Variants in PCSK2 observed in about 807,000 individuals in gnomAD.
The protein encoded by PCSK2 is proprotein convertase subtilisin/kexin type 2, also known as neuroendocrine convertase 2.
In PCSK2, 14 loss-of-function variants were observed where a neutral mutation model predicts 69.7. The ratio of observed to expected loss-of-function variants is 0.20; its 90% CI spans 0.13 to 0.31. The LOEUF is 0.31. Ranked by LOEUF, PCSK2 falls within the 10% of genes least tolerant of loss-of-function variation. The pLI is 1.00. For missense variants in PCSK2, 544 were observed against 842.5 expected (o/e 0.65, Z 4.39); for synonymous variants, 307 against 320.7 (o/e 0.96, Z 0.46).
At chr20:17,340,987 T>A (rs1158843448) in intron 2 of PCSK2, among the ~76,000 whole-genome samples, 2 of 152,212 alleles carry the variant, frequency 1.3e-5, no homozygotes, top group Non-Finnish European at 2.9e-5. Context: ...CAGTGGCTCA[T>A]ACCTGTAATC....
chr20:17,387,878 T>C (rs2031277520), intron 5 of PCSK2, among the ~76,000 whole-genome samples: 3 of 152,178 alleles, frequency 2.0e-5, no homozygotes, highest in Admixed American at 1.3e-4. Context: ...ATAATTATGA[T>C]CTAGGTGCTT....
At chr20:17,290,076 A>G (rs1988647379) in intron 2 of PCSK2, among the ~76,000 whole-genome samples, 1 of 152,222 alleles carries the variant, frequency 6.6e-6, no homozygotes, top group Admixed American at 6.5e-5. Context: ...CAGGTCAGAG[A>G]TGGCATCTTA....
intron 2 of PCSK2, among the ~76,000 whole-genome samples, chr20:17,313,993 C>T (rs1178898017): frequency 6.6e-6 from 1 of 152,136 alleles, no homozygotes; most frequent in Non-Finnish European, 1.5e-5. Flanking sequence ...TTTGTTTCTT[C>T]CAAAGACTAA....
chr20:17,391,909 G>GAAGGAAGGAAGGAAGGAAGA, intron 5 of PCSK2, among the ~76,000 whole-genome samples: 1 of 98,834 alleles, frequency 1.0e-5, no homozygotes, highest in Non-Finnish European at 2.2e-5. Flanking sequence ...AGAGAGAGAG[G>GAAGGAAGGAAGGAAGGAAGA]AAGGAAGGAA....
At chr20:17,389,135 T>C (rs2031309222) in intron 5 of PCSK2, among the ~76,000 whole-genome samples, 3 of 150,296 alleles carry the variant, frequency 2.0e-5, no homozygotes. Context: ...TAATAGGTAG[T>C]TTTAAAAGTT....
chr20:17,411,075 G>A (rs7268916), intron 6 of PCSK2, among the ~76,000 whole-genome samples: 1,984 of 152,234 alleles, frequency 0.013, 47 homozygotes, highest in African/African-American at 0.046. Context: ...CCTGGGCAAT[G>A]TGCTATAAAA....
chr20:17,355,045 T>C (rs2030146187), intron 2 of PCSK2, among the ~76,000 whole-genome samples: 1 of 152,194 alleles, frequency 6.6e-6, no homozygotes, highest in Non-Finnish European at 1.5e-5. Context: ...GACTCCTAAA[T>C]TGCTGAGTTG....
chr20:17,373,915 C>G (rs2030849088), intron 5 of PCSK2, among the ~76,000 whole-genome samples: 1 of 152,196 alleles, frequency 6.6e-6, no homozygotes, highest in Non-Finnish European at 1.5e-5. Flanking sequence ...GATTATTACT[C>G]TATTGTTCTA....
intron 2 of PCSK2, among the ~76,000 whole-genome samples, chr20:17,274,318 C>T (rs192295384): frequency 6.6e-6 from 1 of 152,252 alleles, no homozygotes; most frequent in Admixed American, 6.5e-5. Flanking sequence ...ATGATTGGAA[C>T]ATCTCTCTTC....
At chr20:17,274,136 A>T (rs1987968793) in intron 2 of PCSK2, among the ~76,000 whole-genome samples, 2 of 152,190 alleles carry the variant, frequency 1.3e-5, no homozygotes, top group Admixed American at 1.3e-4. Context: ...AAACAACAAT[A>T]AACATGTGAA....
intron 1 of PCSK2, among the ~76,000 whole-genome samples, chr20:17,232,810 A>G (rs1268289174): frequency 6.6e-6 from 1 of 152,246 alleles, no homozygotes; most frequent in Non-Finnish European, 1.5e-5. Context: ...AAAACAGCAT[A>G]TAGATTTGAT....
intron 7 of PCSK2, among the ~76,000 whole-genome samples, chr20:17,430,945 A>G (rs1446579422): frequency 6.6e-6 from 1 of 152,126 alleles, no homozygotes; most frequent in Non-Finnish European, 1.5e-5. Context: ...TTCTTTTTCC[A>G]TCTCCTTCTT....
At chr20:17,336,324 T>TTTATAAAAA (rs1568607893) in intron 2 of PCSK2, among the ~76,000 whole-genome samples, 2 of 152,134 alleles carry the variant, frequency 1.3e-5, no homozygotes, top group Admixed American at 1.3e-4. Flanking sequence ...AAAAACCTAG[T>TTTATAAAAA]CACTCAAACC....
At chr20:17,444,743 G>T (rs1027100619) in intron 8 of PCSK2, among the ~76,000 whole-genome samples, 1 of 152,190 alleles carries the variant, frequency 6.6e-6, no homozygotes, top group Non-Finnish European at 1.5e-5. Context: ...GCCAGTCATC[G>T]CTGTCAGCAA....
At chr20:17,449,346 GA>G (rs1463795920) in intron 8 of PCSK2, among the ~76,000 whole-genome samples, 1 of 152,076 alleles carries the variant, frequency 6.6e-6, no homozygotes, top group Non-Finnish European at 1.5e-5. Flanking sequence ...ATCCATGGGT[GA>G]ATTCCCATTT....
intron 11 of PCSK2, among the ~76,000 whole-genome samples, chr20:17,481,240 G>A (rs1331808168): frequency 6.6e-6 from 1 of 151,920 alleles, no homozygotes; most frequent in Non-Finnish European, 1.5e-5. Context: ...AAATTAGCCA[G>A]GCGTGGTGGC....
rs71799971 is a variant in PCSK2 at position 17,381,530 on chromosome 20, C to CA, written c.543+12263dup. ...AGACTCCCATTGAGGTACTGCAAGC[C>CA]AAAAAAAAAATGCGTTGTTTGATCT... On this transcript the variant is annotated intron_variant, in intron 5 of 11. Transcript: ENST00000262545. Among the ~76,000 whole-genome samples the CA allele has an allele frequency of 3.3e-3, 492 of 147,454 alleles. 3 individuals carry two copies. Among genetic ancestry groups the CA allele is most frequent in the African/African-American group, 0.011 (442 of 40,332 alleles).
rs2033426014 is a variant in PCSK2, at chr20:17,482,382, CA to C, written c.*313del. The C allele has an allele frequency of 5.8e-6, 1 of 173,208 alleles. No homozygotes were observed. Among genetic ancestry groups the C allele is most frequent in the Non-Finnish European group, 1.2e-5 (1 of 85,030 alleles). 10.7% of individuals were successfully genotyped at this position (173,208 alleles called of 1,614,324 possible). On this transcript the variant is annotated 3_prime_UTR_variant, in exon 12 of 12. Coordinates refer to ENST00000262545, the MANE Select transcript of PCSK2 (RefSeq NM_002594.5). ...AAAAAAACTGGGACAGCTTTCCCCT[CA>C]TTTTTTTTTTTGTTTCTGAGAAAAG...
chr20:17,353,042 T>A (rs1370242577), intron 2 of PCSK2, among the ~76,000 whole-genome samples: 2 of 151,992 alleles, frequency 1.3e-5, no homozygotes, highest in African/African-American at 4.8e-5. Flanking sequence ...CAACAGATAC[T>A]TCTCAAAAAA....
Sources: allele counts gnomAD v4.1 joint callset (sites outside exome capture counted in the v4.1 genomes callset), GRCh38; gene constraint gnomAD v4.1.1; transcripts MANE v1.5; gene names NCBI Gene and HGNC (gene_info 2026-07-23, HGNC 2026-07-21).